Variants in CNTN5 observed in about 807,000 individuals in gnomAD.
The protein encoded by CNTN5 is contactin-5.
Under a neutral mutation model 129.1 loss-of-function variants are expected in CNTN5, and 77 were observed. The ratio of observed to expected loss-of-function variants is 0.60; its 90% CI spans 0.50 to 0.72. The LOEUF is 0.72. CNTN5 is among the 30% of genes least tolerant of loss of function. The pLI is 0.00. For missense variants in CNTN5, 1,478 were observed against 1,328.8 expected, an observed-to-expected ratio of 1.11 and a Z score of -1.75; for synonymous variants, 509 against 465.6, an observed-to-expected ratio of 1.09 and a Z score of -1.20.
rs546937281 is a variant in CNTN5 at position 100,033,052 on chromosome 11, G to T, written c.981-28160G>T. Among the ~76,000 whole-genome samples the T allele has an allele frequency of 9.9e-5, 15 of 152,222 alleles. No homozygotes were observed. The South Asian group carries it at 2.7e-3, about 27-fold the overall frequency. ...GAAAATTAAATAGGGAGGTAATATGGTCACAAACTTTGTGGTATTTCTGTA... is the reference window on the plus strand; with the variant it reads ...GAAAATTAAATAGGGAGGTAATATGTTCACAAACTTTGTGGTATTTCTGTA... On this transcript the variant is annotated intron_variant, in intron 9 of 24. Coordinates refer to ENST00000524871, the MANE Select transcript of CNTN5 (RefSeq NM_014361.4).
At chr11:100,210,360 A>C (rs570695784) in intron 15 of CNTN5, among the ~76,000 whole-genome samples, 1 of 151,214 alleles carries the variant, frequency 6.6e-6, no homozygotes, top group South Asian at 2.1e-4. Flanking sequence ...AAAAAAAAAA[A>C]AAAAAAAGTC....
Position 99,964,989 on chromosome 11 carries a change from G to T in CNTN5, c.877+7980G>T, listed in dbSNP as rs1951055260. ...TTCTCTGATGGTAGTTTGTATTTCT[G>T]TGGGATCGGTGGTGATATCCCCTTT... On this transcript the variant is annotated intron_variant, in intron 8 of 24. Coordinates refer to ENST00000524871, the MANE Select transcript of CNTN5 (RefSeq NM_014361.4). Among the ~76,000 whole-genome samples, 4 of 152,154 alleles carry T rather than the reference G, an allele frequency of 2.6e-5. No individual in the cohort carries two copies. The South Asian group carries it at 8.3e-4, about 31-fold the overall frequency.
intron 16 of CNTN5, among the ~76,000 whole-genome samples, chr11:100,229,313 TATC>T (rs1949444614): frequency 6.6e-6 from 1 of 152,224 alleles, no homozygotes. Context: ...CAAAGCCTTC[TATC>T]ATCATAAGAT....
At chr11:99,132,168 A>T (rs1858974019) in intron 1 of CNTN5, among the ~76,000 whole-genome samples, 1 of 151,138 alleles carries the variant, frequency 6.6e-6, no homozygotes. Flanking sequence ...ATCTCAATAG[A>T]CGCAGGAAAG....
intron 2 of CNTN5, among the ~76,000 whole-genome samples, chr11:99,365,301 G>T (rs1435399886): frequency 6.6e-6 from 1 of 152,138 alleles, no homozygotes; most frequent in Admixed American, 6.6e-5. Context: ...ATCATGCATA[G>T]CATATAATAA....
chr11:99,316,838 C>T (rs1208171597), intron 1 of CNTN5, among the ~76,000 whole-genome samples: 2 of 152,034 alleles, frequency 1.3e-5, no homozygotes, highest in Non-Finnish European at 2.9e-5. Context: ...AGTCCAGCTC[C>T]GAGCCGTGTA....
At chr11:99,137,391 A>G (rs1859282038) in intron 1 of CNTN5, among the ~76,000 whole-genome samples, 1 of 152,126 alleles carries the variant, frequency 6.6e-6, no homozygotes. Context: ...GCGTTGGCCC[A>G]TGTACTTAAT....
intron 7 of CNTN5, among the ~76,000 whole-genome samples, chr11:99,927,790 C>A (rs1397706586): frequency 3.3e-5 from 5 of 152,062 alleles, no homozygotes; most frequent in African/African-American, 9.7e-5. Flanking sequence ...CACCTCTGGC[C>A]CCTCTCAAAT....
At chr11:100,267,669 A>T (rs888177340) in intron 17 of CNTN5, among the ~76,000 whole-genome samples, 2 of 152,158 alleles carry the variant, frequency 1.3e-5, no homozygotes, top group African/African-American at 4.8e-5. Flanking sequence ...CAGGAGCAGA[A>T]TGAGGTTTAG....
At chr11:99,639,067 C>A (rs527388905) in intron 3 of CNTN5, among the ~76,000 whole-genome samples, 1 of 152,336 alleles carries the variant, frequency 6.6e-6, no homozygotes, top group African/African-American at 2.4e-5. Flanking sequence ...TTCCATATAT[C>A]TTCTGAAATC....
intron 7 of CNTN5, among the ~76,000 whole-genome samples, chr11:99,947,724 C>T (rs1209028407): frequency 6.6e-6 from 1 of 152,086 alleles, no homozygotes; most frequent in East Asian, 1.9e-4. Context: ...AGGGTTTTGT[C>T]CTCTGTGACT....
chr11:99,450,272 A>G (rs1944246313), intron 2 of CNTN5, among the ~76,000 whole-genome samples: 1 of 150,256 alleles, frequency 6.7e-6, no homozygotes, highest in Admixed American at 6.7e-5. Context: ...ATATATATAT[A>G]TATATATATA....
chr11:99,191,008 G>A (rs1409361998), intron 1 of CNTN5, among the ~76,000 whole-genome samples: 2 of 151,558 alleles, frequency 1.3e-5, no homozygotes, highest in African/African-American at 4.8e-5. Context: ...TTGTGTTGAG[G>A]TACATTCCTT....
intron 2 of CNTN5, among the ~76,000 whole-genome samples, chr11:99,395,130 A>G (rs1338731225): frequency 6.6e-6 from 1 of 151,860 alleles, no homozygotes; most frequent in Non-Finnish European, 1.5e-5. Context: ...GTCTTCCATA[A>G]TGGTCAAACT....
intron 6 of CNTN5, among the ~76,000 whole-genome samples, chr11:99,896,602 C>A (rs983871305): frequency 6.6e-6 from 1 of 152,298 alleles, no homozygotes; most frequent in East Asian, 1.9e-4. Flanking sequence ...ATGGGTTATT[C>A]CTCTAAGAGC....
chr11:99,740,195 A>T (rs1480264402), intron 3 of CNTN5, among the ~76,000 whole-genome samples: 1 of 152,156 alleles, frequency 6.6e-6, no homozygotes, highest in Non-Finnish European at 1.5e-5. Context: ...AACTAGGCAT[A>T]TTAATGTGGT....
At chr11:100,253,173 T>C (rs533281130) in intron 16 of CNTN5, among the ~76,000 whole-genome samples, 12 of 152,182 alleles carry the variant, frequency 7.9e-5, no homozygotes, top group African/African-American at 1.4e-4. Flanking sequence ...TTTCTCTTTC[T>C]TTCTTCAGTT....
chr11:99,058,460 GTATATA>G (rs1298562745), intron 1 of CNTN5, among the ~76,000 whole-genome samples: 2 of 151,458 alleles, frequency 1.3e-5, no homozygotes, highest in Non-Finnish European at 1.5e-5. Context: ...ATATATATGT[GTATATA>G]TATATATTTT....
chr11:99,742,456 T>A (rs1398166), intron 3 of CNTN5, among the ~76,000 whole-genome samples: 63,495 of 151,984 alleles, frequency 0.42, 13,762 homozygotes, highest in East Asian at 0.51. Flanking sequence ...TGTCAAATCA[T>A]TTAATATTTT....
Sources: gnomAD v4.1 joint callset for allele counts (sites outside exome capture counted in the v4.1 genomes callset) on GRCh38, gnomAD v4.1.1 for gene constraint, MANE v1.5 for transcripts, NCBI Gene and HGNC (gene_info 2026-07-23, HGNC 2026-07-21) for gene names.